The following DPP10 variants were observed in gnomAD, a reference collection of about 807,000 sequenced individuals.
The protein encoded by DPP10 is inactive dipeptidyl peptidase 10.
DPP10 carries 33 observed loss-of-function variants against 120.9 expected under a neutral mutation model. The ratio of observed to expected loss-of-function variants is 0.27; its 90% CI spans 0.21 to 0.37. The LOEUF is 0.37. Ranked by LOEUF, DPP10 falls within the 10% of genes least tolerant of loss-of-function variation. The pLI is 1.00. For synonymous variants in DPP10, 337 were observed against 326.1 expected, an observed-to-expected ratio of 1.03 and a Z score of -0.36; for missense variants, 816 against 942.8, an observed-to-expected ratio of 0.87 and a Z score of 1.76.
chr2:115,162,963 G>A lies in DPP10; in HGVS notation c.61-146276G>A, dbSNP rs149544362. ...AGGCTGCGCTGAGCCGGGTGCAGGT[G>A]CGCTCACGTTTGCATCAATTAGGAA... On this transcript the variant is annotated intron_variant, in intron 1 of 25. Transcript: ENST00000410059. Among the ~76,000 whole-genome samples, 58 of 152,184 alleles carry A rather than the reference G, an allele frequency of 3.8e-4. 1 individual carries two copies. Among genetic ancestry groups the A allele is most frequent in the Admixed American group, 9.8e-4 (15 of 15,290 alleles).
chr2:114,511,000 C>T (rs1030007509), intron 1 of DPP10, among the ~76,000 whole-genome samples: 12 of 152,314 alleles, frequency 7.9e-5, no homozygotes, highest in South Asian at 2.1e-4. Context: ...GTATTACAGA[C>T]GCATTCAGGG....
At chr2:115,305,537 A>C (rs2061326574) in intron 1 of DPP10, among the ~76,000 whole-genome samples, 1 of 151,968 alleles carries the variant, frequency 6.6e-6, no homozygotes, top group South Asian at 2.1e-4. Context: ...GTTTGAGATC[A>C]GCCTGGGCAA....
intron 1 of DPP10, among the ~76,000 whole-genome samples, chr2:115,230,812 A>C (rs959214431): frequency 2.0e-5 from 3 of 152,060 alleles, no homozygotes; most frequent in Non-Finnish European, 2.9e-5. Context: ...GTATTCTAAC[A>C]TGGCTCATAG....
At chr2:114,710,631 G>A (rs1700966116) in intron 1 of DPP10, among the ~76,000 whole-genome samples, 1 of 152,154 alleles carries the variant, frequency 6.6e-6, no homozygotes, top group African/African-American at 2.4e-5. Context: ...TGTAGTCCCA[G>A]CTACTTGGGA....
chr2:115,632,640 C>A (rs891058508), intron 5 of DPP10, among the ~76,000 whole-genome samples: 3 of 152,056 alleles, frequency 2.0e-5, no homozygotes, highest in African/African-American at 7.2e-5. Flanking sequence ...GTTGGAAATT[C>A]TTTTCTTTAA....
intron 2 of DPP10, among the ~76,000 whole-genome samples, chr2:115,322,575 G>A (rs2106111838): frequency 6.6e-6 from 1 of 152,140 alleles, no homozygotes; most frequent in East Asian, 1.9e-4. Flanking sequence ...TATTATAGTT[G>A]AAGCCCAGCA....
chr2:114,840,337 G>T (rs1056917704), intron 1 of DPP10, among the ~76,000 whole-genome samples: 1 of 152,084 alleles, frequency 6.6e-6, no homozygotes, highest in Non-Finnish European at 1.5e-5. Context: ...ACTCATCAAA[G>T]AGCTAAGCAA....
At chr2:115,239,802 T>G (rs1559295641) in intron 1 of DPP10, among the ~76,000 whole-genome samples, 1 of 152,132 alleles carries the variant, frequency 6.6e-6, no homozygotes, top group Non-Finnish European at 1.5e-5. Flanking sequence ...CCTCCTTGTG[T>G]CCATGCGTTC....
intron 1 of DPP10, among the ~76,000 whole-genome samples, chr2:114,477,475 A>G (rs908752349): frequency 6.6e-6 from 1 of 151,250 alleles, no homozygotes; most frequent in East Asian, 1.9e-4. Flanking sequence ...ACATATACAC[A>G]TACATACACA....
Position 115,836,197 on chromosome 2 carries a change from A to T in DPP10, c.1991A>T (p.Asp664Val), listed in dbSNP as rs970880284. 5.0e-6 allele frequency: 8 copies of T among 1,607,990 alleles called. No homozygotes were observed. The highest frequency in any genetic ancestry group is 6.8e-6 in the Non-Finnish European group (8 of 1,177,794). The change falls in exon 22 of 26, where the codon GAT becomes GTT. Residue 664 changes from aspartate to valine, a missense_variant. By Grantham distance (152) the Asp-to-Val change is radical. This residue lies in a region of DPP10 where 592 missense variants were observed against 649.0 expected (regional missense o/e 0.91). Transcript: ENST00000410059. ...GYIASMILKS[D>V]EKLFKCGSVV... ...ATTGCATCAATGATCTTAAAATCAGATGAAAAGCTTTTTAAATGTGGATCC... is the reference window on the plus strand; with the variant it reads ...ATTGCATCAATGATCTTAAAATCAGTTGAAAAGCTTTTTAAATGTGGATCC...
chr2:115,109,554 AT>A (rs1206946100), intron 1 of DPP10, among the ~76,000 whole-genome samples: 3 of 152,306 alleles, frequency 2.0e-5, no homozygotes, highest in Non-Finnish European at 2.9e-5. Flanking sequence ...AGAAAAAAAA[AT>A]TCAACGTTGT....
chr2:115,643,341 G>A (rs2086945969), intron 5 of DPP10, among the ~76,000 whole-genome samples: 1 of 152,114 alleles, frequency 6.6e-6, no homozygotes, highest in African/African-American at 2.4e-5. Flanking sequence ...AGAGATTAAA[G>A]AATCAAGTCA....
intron 1 of DPP10, among the ~76,000 whole-genome samples, chr2:114,765,235 C>T (rs77553856): frequency 6.6e-6 from 1 of 152,080 alleles, no homozygotes; most frequent in African/African-American, 2.4e-5. Context: ...TAATTACACT[C>T]GTGTGGTGGT....
chr2:115,412,293 A>G (rs962111660), intron 3 of DPP10, among the ~76,000 whole-genome samples: 1 of 152,172 alleles, frequency 6.6e-6, no homozygotes, highest in Non-Finnish European at 1.5e-5. Flanking sequence ...GACTACCTAT[A>G]CATATTTTAC....
At chr2:114,607,584 T>C (rs1398826638) in intron 1 of DPP10, among the ~76,000 whole-genome samples, 1 of 152,164 alleles carries the variant, frequency 6.6e-6, no homozygotes, top group Non-Finnish European at 1.5e-5. Context: ...GGCTTCATCA[T>C]CTCATCCTAG....
chr2:114,715,452 AC>A (rs1319993605), intron 1 of DPP10, among the ~76,000 whole-genome samples: 6 of 152,150 alleles, frequency 3.9e-5, no homozygotes, highest in Non-Finnish European at 8.8e-5. Flanking sequence ...ACTCTTTTCC[AC>A]AGTTGTTGAA....
At chr2:115,678,880 C>T (rs1335762108) in intron 5 of DPP10, among the ~76,000 whole-genome samples, 2 of 152,208 alleles carry the variant, frequency 1.3e-5, no homozygotes, top group Admixed American at 6.5e-5. Flanking sequence ...GGAGTCAAAA[C>T]AGATCATTTT....
intron 1 of DPP10, among the ~76,000 whole-genome samples, chr2:114,582,932 T>C (rs895871443): frequency 6.6e-6 from 1 of 152,180 alleles, no homozygotes; most frequent in Admixed American, 6.5e-5. Flanking sequence ...AAGTCACATA[T>C]CACTGGAGGG....
chr2:115,390,740 A>G (rs1397196759), intron 3 of DPP10, among the ~76,000 whole-genome samples: 1 of 152,162 alleles, frequency 6.6e-6, no homozygotes, highest in Non-Finnish European at 1.5e-5. Flanking sequence ...CCATGTAGAA[A>G]GTTTATAGAA....
Sources: gnomAD v4.1 joint callset for allele counts (sites outside exome capture counted in the v4.1 genomes callset) on GRCh38, gnomAD v4.1.1 for gene constraint, gnomAD v4.1.1 regional missense constraint, MANE v1.5 for transcripts, NCBI Gene and HGNC (gene_info 2026-07-23, HGNC 2026-07-21) for gene names.